Variants in FGFR2 observed in about 807,000 individuals in gnomAD.
FGFR2 encodes the protein BEK fibroblast growth factor receptor.
A neutral mutation model predicts 95.9 loss-of-function variants in FGFR2; 19 were observed. That is an observed-to-expected ratio of 0.20 (90% CI 0.14 to 0.29). The LOEUF is 0.29. Among genes scored for constraint, FGFR2 ranks in the 10% least tolerant of loss-of-function variants. FGFR2 has a pLI of 1.00. For missense variants in FGFR2, 707 were observed against 1,056.9 expected (o/e 0.67, Z 4.59); for synonymous variants, 392 against 393.3 (o/e 1.00, Z 0.04).
chr10:121,575,666 C>T (rs945455915), intron 2 of FGFR2, among the ~76,000 whole-genome samples: 1 of 151,164 alleles, frequency 6.6e-6, no homozygotes, highest in Non-Finnish European at 1.5e-5. Flanking sequence ...AGCAGCCTGG[C>T]CAACATGGTG....
chr10:121,593,689 A>G lies in FGFR2; in HGVS notation c.109+20T>C. ...GACAAATCCCAAAACAAACCTGAAA[A>G]GTGAAATTAAATGACTTACCTTCTG... On this transcript the variant is annotated intron_variant, in intron 2 of 17. Transcript: ENST00000358487. 1.9e-6 allele frequency: 3 copies of G among 1,608,046 alleles called. No homozygotes were observed. Among genetic ancestry groups the G allele is most frequent in the Non-Finnish European group, 2.6e-6 (3 of 1,174,478 alleles).
intron 6 of FGFR2, among the ~76,000 whole-genome samples, chr10:121,532,150 T>A (rs1235870973): frequency 6.6e-6 from 1 of 152,108 alleles, no homozygotes; most frequent in Non-Finnish European, 1.5e-5. Context: ...GTCAGGAGTA[T>A]GGAAAATCAA....
intron 5 of FGFR2, among the ~76,000 whole-genome samples, chr10:121,549,965 G>A (rs1392865984): frequency 6.6e-6 from 1 of 152,176 alleles, no homozygotes; most frequent in Non-Finnish European, 1.5e-5. Flanking sequence ...AATTTATTAT[G>A]CAGCAACAGG....
In FGFR2 at chr10:121,556,139, T is replaced by C. The variant is rs867713422; in HGVS notation, c.455-4680A>G. Among the ~76,000 whole-genome samples, 37 of 150,226 alleles carry C rather than the reference T, an allele frequency of 2.5e-4. 1 individual carries two copies. The highest frequency in any genetic ancestry group is 7.8e-4 in the African/African-American group (31 of 39,776). ...ATGGATGGATGGATGGACGGACGGA[T>C]GGATGGACGGATGGATGACTATTAA... On this transcript the variant is annotated intron_variant, in intron 4 of 17. Transcript: ENST00000358487.
Position 121,479,877 on chromosome 10 carries a change from TTA to T in FGFR2, c.2444_2445del (p.Ile815LysfsTer5), listed in dbSNP as rs771208561. 5 of 1,614,068 alleles carry T rather than the reference TTA, an allele frequency of 3.1e-6. No individual in the cohort carries two copies. In the South Asian group the frequency reaches 4.4e-5, roughly 14 times the overall value. On this transcript the variant is annotated frameshift_variant, in exon 18 of 18. Transcript: ENST00000358487. LOFTEE classifies it high-confidence loss of function. ...GTCATTCATGTTTTAACACTGCCGT[TTA>T]TGTGTGGATACTGAGGAAGGCATGG... is the stretch of plus-strand genomic sequence containing the variant. ...YEPCLPQYPH[I>X]NGSVKT
At chr10:121,494,683 T>A (rs1052636750) in intron 13 of FGFR2, among the ~76,000 whole-genome samples, 2 of 152,118 alleles carry the variant, frequency 1.3e-5, no homozygotes, top group Admixed American at 6.5e-5. Flanking sequence ...TGTCTCCATG[T>A]CCTGCCCCAC....
At chr10:121,567,281 G>A (rs1315827226) in intron 2 of FGFR2, among the ~76,000 whole-genome samples, 1 of 152,114 alleles carries the variant, frequency 6.6e-6, no homozygotes. Context: ...TCTCAAGGGG[G>A]CATCACCAAA....
Position 121,567,710 on chromosome 10 carries a change from C to T in FGFR2, c.110-2006G>A, listed in dbSNP as rs572328801. Among the ~76,000 whole-genome samples the T allele has an allele frequency of 3.2e-4, 49 of 152,328 alleles. 1 individual carries two copies. The highest frequency in any genetic ancestry group is 3.4e-3 in the Middle Eastern group (1 of 294). On this transcript the variant is annotated intron_variant, in intron 2 of 17. Coordinates refer to ENST00000358487, the MANE Select transcript of FGFR2 (RefSeq NM_000141.5). ...TGGCAGGAGGTGGCGGATGATGGCC[C>T]GCGGGCCAAGCCAGCCGCAGCTTGT... is the stretch of plus-strand genomic sequence containing the variant.
At chr10:121,503,045 C>T (rs749462955) in intron 10 of FGFR2, among the ~76,000 whole-genome samples, 11 of 152,220 alleles carry the variant, frequency 7.2e-5, no homozygotes, top group South Asian at 4.1e-4. Context: ...CCTGGGAGGT[C>T]TGAACCACCA....
At chr10:121,579,780 C>T (rs1008822929) in intron 2 of FGFR2, among the ~76,000 whole-genome samples, 4 of 152,166 alleles carry the variant, frequency 2.6e-5, no homozygotes, top group African/African-American at 7.2e-5. Flanking sequence ...GGCAAGAGTC[C>T]CCACAGCTGT....
At chr10:121,507,478 C>G (rs1424852677) in intron 9 of FGFR2, among the ~76,000 whole-genome samples, 1 of 152,134 alleles carries the variant, frequency 6.6e-6, no homozygotes, top group Admixed American at 6.5e-5. Context: ...ACCCCAGCTA[C>G]TGGGGAGGCT....
chr10:121,594,027 A>G, intron 1 of FGFR2, 60 bp from the exon 2 acceptor site: 1 of 641,010 alleles, frequency 1.6e-6, no homozygotes, highest in Non-Finnish European at 2.8e-6. Context: ...ACTCCAGCCC[A>G]AGTGGGATAA....
chr10:121,491,547 T>A (rs1340257041), intron 13 of FGFR2, among the ~76,000 whole-genome samples: 2 of 152,106 alleles, frequency 1.3e-5, no homozygotes, highest in Non-Finnish European at 1.5e-5. Context: ...TATACCCATT[T>A]TACAGGTGGG....
intron 1 of FGFR2, 147 bp from the exon 2 acceptor site, chr10:121,594,114 C>CA (rs1863094704): frequency 5.7e-6 from 3 of 523,278 alleles, no homozygotes; most frequent in Non-Finnish European, 1.0e-5. Context: ...ATCCTCACCT[C>CA]AGAGTCCCAG....
chr10:121,523,682 G>A (rs1850880137), intron 6 of FGFR2, among the ~76,000 whole-genome samples: 1 of 152,118 alleles, frequency 6.6e-6, no homozygotes, highest in South Asian at 2.1e-4. Context: ...CCCTGGCTCC[G>A]TTTTCCAGTT....
intron 9 of FGFR2, among the ~76,000 whole-genome samples, chr10:121,514,397 T>G (rs1333271480): frequency 6.6e-6 from 1 of 152,054 alleles, no homozygotes; most frequent in African/African-American, 2.4e-5. Flanking sequence ...AAAGCAAAAT[T>G]AAACCAATCA....
intron 4 of FGFR2, among the ~76,000 whole-genome samples, chr10:121,562,840 G>A (rs1202917897): frequency 6.6e-6 from 1 of 152,234 alleles, no homozygotes; most frequent in Non-Finnish European, 1.5e-5. Flanking sequence ...TACCATTCTG[G>A]TGGGGATGTT....
chr10:121,516,171 T>C (rs1305246049), intron 8 of FGFR2, among the ~76,000 whole-genome samples: 8 of 152,196 alleles, frequency 5.3e-5, no homozygotes, highest in African/African-American at 1.4e-4. Context: ...TATTTCCAAA[T>C]AGTGTTTTTC....
At chr10:121,482,644 A>G (rs995121247) in intron 17 of FGFR2, among the ~76,000 whole-genome samples, 1 of 152,176 alleles carries the variant, frequency 6.6e-6, no homozygotes, top group Non-Finnish European at 1.5e-5. Context: ...AGATTTGACT[A>G]GACTTGATGG....
Sources: gnomAD v4.1 joint callset for allele counts (sites outside exome capture counted in the v4.1 genomes callset) on GRCh38, gnomAD v4.1.1 for gene constraint, MANE v1.5 for transcripts, NCBI Gene and HGNC (gene_info 2026-07-23, HGNC 2026-07-21) for gene names.